LMAN2L: variants seen among roughly 807,000 people sequenced by gnomAD.
LMAN2L encodes lectin, mannose binding 2 like, also known as VIP36-like protein.
A neutral mutation model predicts 44.3 loss-of-function variants in LMAN2L; 30 were observed. The ratio of observed to expected loss-of-function variants is 0.68; its 90% CI spans 0.51 to 0.92. The LOEUF (loss-of-function observed/expected upper bound fraction) is 0.92. Ranked by LOEUF, LMAN2L falls within the 40% of genes least tolerant of loss-of-function variation. LMAN2L has a pLI of 0.00. For synonymous variants in LMAN2L, 183 were observed against 171.1 expected, an observed-to-expected ratio of 1.07 and a Z score of -0.54; for missense variants, 429 against 446.1, an observed-to-expected ratio of 0.96 and a Z score of 0.35.
chr2:96,720,599 G>A (rs781439196), intron 4 of LMAN2L, among the ~76,000 whole-genome samples: 13 of 151,690 alleles, frequency 8.6e-5, no homozygotes, highest in Non-Finnish European at 1.6e-4. Context: ...TTATAGGCAC[G>A]AGCTACTGTG....
chr2:96,718,781 G>A (rs1311795122), intron 4 of LMAN2L, among the ~76,000 whole-genome samples: 1 of 152,190 alleles, frequency 6.6e-6, no homozygotes, highest in African/African-American at 2.4e-5. Context: ...AGCCTGAGAA[G>A]GCCCTTGCTC....
intron 4 of LMAN2L, among the ~76,000 whole-genome samples, chr2:96,719,805 G>A (rs1420955990): frequency 1.3e-5 from 2 of 152,114 alleles, no homozygotes; most frequent in African/African-American, 4.8e-5. Flanking sequence ...TGTTGGCCAG[G>A]CTGGTCTCGA....
chr2:96,714,883 A>T (rs2078007634), intron 4 of LMAN2L, among the ~76,000 whole-genome samples: 1 of 152,156 alleles, frequency 6.6e-6, no homozygotes, highest in African/African-American at 2.4e-5. Context: ...GCACGTATAC[A>T]TGGGTCCCTC....
intron 2 of LMAN2L, among the ~76,000 whole-genome samples, chr2:96,736,467 A>T (rs1297097081): frequency 6.6e-6 from 1 of 152,244 alleles, no homozygotes; most frequent in Non-Finnish European, 1.5e-5. Context: ...ACTAGAGGCT[A>T]TACTAGAACT....
intron 4 of LMAN2L, among the ~76,000 whole-genome samples, chr2:96,727,359 C>T (rs554946219): frequency 1.3e-5 from 2 of 152,196 alleles, no homozygotes; most frequent in African/African-American, 4.8e-5. Flanking sequence ...GGGCCGGGTG[C>T]GGTGGCTCAT....
chr2:96,724,841 A>ATT (rs967112761), intron 4 of LMAN2L, among the ~76,000 whole-genome samples: 2 of 147,502 alleles, frequency 1.4e-5, no homozygotes, highest in Admixed American at 1.4e-4. Context: ...TTATTTATTT[A>ATT]TTTTTTTTTT....
At chr2:96,739,405 GGAGAA>G (rs1558967571) in intron 1 of LMAN2L, among the ~76,000 whole-genome samples, 2 of 152,152 alleles carry the variant, frequency 1.3e-5, no homozygotes, top group East Asian at 1.9e-4. Flanking sequence ...CCCCTAGGCT[GGAGAA>G]GAGAAGGTGG....
intron 4 of LMAN2L, among the ~76,000 whole-genome samples, chr2:96,726,267 T>A (rs1265801835): frequency 2.0e-5 from 3 of 151,982 alleles, no homozygotes; most frequent in Admixed American, 1.3e-4. Flanking sequence ...AATAGGTTTT[T>A]TTTTGTGGAT....
At chr2:96,718,019 G>A (rs1057342759) in intron 4 of LMAN2L, among the ~76,000 whole-genome samples, 3 of 151,862 alleles carry the variant, frequency 2.0e-5, no homozygotes, top group Non-Finnish European at 2.9e-5. Context: ...GCAATGGCGC[G>A]ATCTCGGCTC....
intron 1 of LMAN2L, among the ~76,000 whole-genome samples, chr2:96,739,061 ATCCT>A: frequency 6.6e-6 from 1 of 152,158 alleles, no homozygotes; most frequent in Admixed American, 6.5e-5. Flanking sequence ...TCTTTAAACA[ATCCT>A]TAAAGTGTGA....
At chr2:96,730,680 CTCTT>C (rs946065607) in intron 4 of LMAN2L, among the ~76,000 whole-genome samples, 26 of 151,708 alleles carry the variant, frequency 1.7e-4, no homozygotes, top group African/African-American at 3.6e-4. Flanking sequence ...CCCTCTCTCT[CTCTT>C]TTTTTTGAGA....
At chr2:96,732,344 T>C (rs920948126) in intron 4 of LMAN2L, among the ~76,000 whole-genome samples, 4 of 151,358 alleles carry the variant, frequency 2.6e-5, no homozygotes, top group Admixed American at 6.6e-5. Flanking sequence ...ACAAACCCAC[T>C]GTCAATATAA....
chr2:96,709,267 T>C (rs113070605), intron 6 of LMAN2L, among the ~76,000 whole-genome samples: 3,056 of 152,296 alleles, frequency 0.02, 101 homozygotes, highest in African/African-American at 0.068. Context: ...CTTTGTCAAG[T>C]AGGAGCCTAT....
At chr2:96,730,772 T>C (rs2078377182) in intron 4 of LMAN2L, among the ~76,000 whole-genome samples, 1 of 152,122 alleles carries the variant, frequency 6.6e-6, no homozygotes, top group South Asian at 2.1e-4. Context: ...CCTTCCAGGT[T>C]CAAGCGATTC....
chr2:96,735,221 C>T (rs747556618), intron 2 of LMAN2L, among the ~76,000 whole-genome samples: 3 of 152,142 alleles, frequency 2.0e-5, no homozygotes, highest in African/African-American at 7.2e-5. Flanking sequence ...CAAGAAAAAA[C>T]CAGAGTGGGT....
intron 4 of LMAN2L, among the ~76,000 whole-genome samples, chr2:96,727,766 C>T (rs902697655): frequency 3.3e-5 from 5 of 152,194 alleles, no homozygotes; most frequent in Non-Finnish European, 7.3e-5. Context: ...TGCTCCTTGT[C>T]TTCCTTGTCT....
rs557507586 is a variant in LMAN2L at position 96,717,959 on chromosome 2, C to T, written c.508-5934G>A. Among the ~76,000 whole-genome samples the T allele has an allele frequency of 5.9e-4, 90 of 151,992 alleles. 2 individuals are homozygous for T. In the South Asian group the frequency reaches 0.019, roughly 31 times the overall value. ...ATATTTTTTCCCCCTAAAGGACCAA[C>T]TTTTTTTTCTTTTGAGATGAAGTCT... On this transcript the variant is annotated intron_variant, in intron 4 of 7. Coordinates refer to ENST00000264963, the MANE Select transcript of LMAN2L (RefSeq NM_030805.4).
chr2:96,718,255 CG>C (rs1259892259), intron 4 of LMAN2L, among the ~76,000 whole-genome samples: 2 of 152,080 alleles, frequency 1.3e-5, no homozygotes. Flanking sequence ...TGTGCGTGGC[CG>C]GTTGTATTCT....
In LMAN2L at chr2:96,731,312, C is replaced by T. The variant is rs114680134; in HGVS notation, c.507+2207G>A. 8.7e-3 allele frequency among the ~76,000 whole-genome samples: 1,320 copies of T among 152,240 alleles called. 12 individuals are homozygous for T. The highest frequency in any genetic ancestry group is 0.031 in the African/African-American group (1,271 of 41,540). On this transcript the variant is annotated intron_variant, in intron 4 of 7. Coordinates refer to ENST00000264963, the MANE Select transcript of LMAN2L (RefSeq NM_030805.4). ...AGAAGCAGCTGTAACTGATCCACAA[C>T]AAAAGGTTATTCTCCTAACTCAGGT...
Sources: allele counts gnomAD v4.1 joint callset (sites outside exome capture counted in the v4.1 genomes callset), GRCh38; gene constraint gnomAD v4.1.1; transcripts MANE v1.5; gene names NCBI Gene and HGNC (gene_info 2026-07-23, HGNC 2026-07-21).